MON2: variants seen among roughly 807,000 people sequenced by gnomAD.
MON2 encodes protein MON2 homolog.
MON2 carries 84 observed loss-of-function variants against 208.6 expected under a neutral mutation model. That is an observed-to-expected ratio of 0.40 (90% CI 0.34 to 0.48). The LOEUF is 0.48. Ranked by LOEUF, MON2 falls within the 20% of genes least tolerant of loss-of-function variation. MON2 has a pLI of 0.59. For synonymous variants in MON2, 660 were observed against 694.0 expected, an observed-to-expected ratio of 0.95 and a Z score of 0.77; for missense variants, 1,611 against 2,015.4, an observed-to-expected ratio of 0.80 and a Z score of 3.84.
In MON2 at chr12:62,595,394, C is replaced by T. The variant is rs2075506376; in HGVS notation, c.*2645C>T. 6.6e-6 allele frequency: 1 copy of T among 152,250 alleles called. No homozygotes were observed. Among genetic ancestry groups the T allele is most frequent in the South Asian group, 2.1e-4 (1 of 4,822 alleles). The allele number at this position is 152,250 out of a possible 1,614,324, so 9.4% of individuals were successfully genotyped here. A position where few individuals can be genotyped will look rare whatever the true frequency, so the allele number is the denominator to read the frequency against. On this transcript the variant is annotated 3_prime_UTR_variant, in exon 35 of 35. Transcript: ENST00000393630. ...TCCTGACCTCAGGTGATCTGCCCGC[C>T]TTGGCCTCCCAAAGTGCTGACATTA...
At position 62,535,719 on chromosome 12, in the gene MON2, G is replaced by A. The variant is rs758284964; in HGVS notation, c.1900+10G>A. ...ACACTTTCCAACAAATGTAAGACAG[G>A]CTTACTCAAAATTCTCTCTATGTAG... is the stretch of plus-strand genomic sequence containing the variant. On this transcript the variant is annotated intron_variant, in intron 14 of 34. Transcript: ENST00000393630. 12 of 1,596,862 alleles carry A rather than the reference G, an allele frequency of 7.5e-6. No homozygotes were observed. The highest frequency in any genetic ancestry group is 9.4e-6 in the Non-Finnish European group (11 of 1,170,364).
chr12:62,587,956 T>G, intron 33 of MON2, 118 bp from the exon 34 acceptor site: 1 of 621,318 alleles, frequency 1.6e-6, no homozygotes, highest in Non-Finnish European at 2.8e-6. Context: ...TAACCTTGCA[T>G]TGTATTGTGT....
intron 32 of MON2, among the ~76,000 whole-genome samples, chr12:62,582,760 A>G (rs1043215677): frequency 6.6e-6 from 1 of 152,136 alleles, no homozygotes; most frequent in Non-Finnish European, 1.5e-5. Context: ...AAACATATAC[A>G]TACAAAACTT....
chr12:62,559,557 C>T (rs913509638), intron 25 of MON2, among the ~76,000 whole-genome samples: 5 of 151,962 alleles, frequency 3.3e-5, no homozygotes, highest in Admixed American at 6.6e-5. Flanking sequence ...GTAGGAGGAT[C>T]GCTTGAGCCC....
In MON2 at chr12:62,595,210, T is replaced by G. The variant is rs1268406648; in HGVS notation, c.*2461T>G. Reference sequence around the variant, plus strand: ...CCCAGGCTGGAATGCAGTGGCACGATCTTGGCTCACTGCAACCTCTGCTTC... The same window carrying G: ...CCCAGGCTGGAATGCAGTGGCACGAGCTTGGCTCACTGCAACCTCTGCTTC... On this transcript the variant is annotated 3_prime_UTR_variant, in exon 35 of 35. Coordinates refer to ENST00000393630, the MANE Select transcript of MON2 (RefSeq NM_015026.3). 1 of 151,984 alleles carries G rather than the reference T, an allele frequency of 6.6e-6. No individual in the cohort carries two copies. The highest frequency in any genetic ancestry group is 2.4e-5 in the African/African-American group (1 of 41,346). The allele number at this position is 151,984 out of a possible 1,614,324, so 9.4% of individuals were successfully genotyped here. A position where few individuals can be genotyped will look rare whatever the true frequency, so the allele number is the denominator to read the frequency against.
chr12:62,529,431 T>C (rs775949905), intron 11 of MON2, among the ~76,000 whole-genome samples: 4 of 152,168 alleles, frequency 2.6e-5, no homozygotes, highest in Non-Finnish European at 5.9e-5. Context: ...GATGTTCTTA[T>C]TATGTTTTTT....
chr12:62,484,097 C>T (rs530252641), intron 1 of MON2, 73 bp from the exon 2 acceptor site: 1 of 1,084,320 alleles, frequency 9.2e-7, no homozygotes, highest in South Asian at 1.4e-5. Context: ...TTGTCTATCA[C>T]ATATGACTTA....
intron 21 of MON2, among the ~76,000 whole-genome samples, chr12:62,545,254 G>A (rs1213592304): frequency 6.6e-6 from 1 of 151,392 alleles, no homozygotes; most frequent in Non-Finnish European, 1.5e-5. Context: ...TTGGTCTCAC[G>A]TTCATAAGTT....
intron 16 of MON2, 83 bp downstream of exon 16, chr12:62,537,789 G>A: frequency 9.2e-7 from 1 of 1,083,970 alleles, no homozygotes; most frequent in Non-Finnish European, 1.4e-6. Flanking sequence ...GTATTTTGAT[G>A]TTTTGGACAG....
intron 8 of MON2, among the ~76,000 whole-genome samples, chr12:62,520,144 C>T (rs1305767691): frequency 1.3e-5 from 2 of 152,168 alleles, no homozygotes; most frequent in African/African-American, 2.4e-5. Flanking sequence ...GGATCTGAAA[C>T]GTTTTTATAC....
chr12:62,551,820 T>G (rs372109442), intron 23 of MON2, among the ~76,000 whole-genome samples: 1 of 152,232 alleles, frequency 6.6e-6, no homozygotes, highest in Non-Finnish European at 1.5e-5. Context: ...ATCTTTTAAA[T>G]GTATATTAAA....
At chr12:62,523,324 T>A (rs762769459) in intron 8 of MON2, among the ~76,000 whole-genome samples, 38 of 152,316 alleles carry the variant, frequency 2.5e-4, no homozygotes, top group Non-Finnish European at 4.7e-4. Context: ...CCCAGAAAGA[T>A]GTAGATATTT....
chr12:62,509,866 A>G (rs1002883679), intron 8 of MON2, among the ~76,000 whole-genome samples: 10 of 137,460 alleles, frequency 7.3e-5, no homozygotes, highest in African/African-American at 8.3e-5. Context: ...GAGAGAATCA[A>G]TGCAAGTTGT....
chr12:62,490,020 A>G, intron 2 of MON2: 1 of 1,211,320 alleles, frequency 8.3e-7, no homozygotes. Flanking sequence ...ATCCTAGTTT[A>G]ATTCTTTTTT....
rs1394646519 is a variant in MON2, at chr12:62,538,469, T to A, written c.2328T>A (p.Ser776=). ...TAATAAATGCACTTTGCTCCTTGTCTCTAGAAGCAATGGATATGGCCTATG... is the reference window on the plus strand; with the variant it reads ...TAATAAATGCACTTTGCTCCTTGTCACTAGAAGCAATGGATATGGCCTATG... ...HHLINALCSL[S]LEAMDMAYGN... Residue 776 remains serine, a synonymous_variant, in exon 19 of 35, where the codon TCT becomes TCA. Transcript: ENST00000393630. 6.2e-7 allele frequency: 1 copy of A among 1,610,038 alleles called. No individual in the cohort carries two copies. Among genetic ancestry groups the A allele is most frequent in the East Asian group, 2.2e-5 (1 of 44,758 alleles).
Position 62,556,054 on chromosome 12 carries a change from A to G in MON2, c.3271A>G (p.Ile1091Val), listed in dbSNP as rs142808679. ...ESSTTADKEK[I>V]ESGGGNILIH... is the part of the protein sequence containing the mutation. ...CTCTACCACTGCAGACAAAGAAAAG[A>G]TTGAGTCTGGAGGTGGCAATATTCT... The change falls in exon 25 of 35, where the codon ATT (isoleucine) becomes GTT (valine). Residue 1091 changes from isoleucine (I) to valine (V), a missense_variant. Physicochemically the swap from Ile to Val is conservative, Grantham distance 29 (BLOSUM62 3). Coordinates refer to ENST00000393630, the MANE Select transcript of MON2 (RefSeq NM_015026.3). The G allele has an allele frequency of 1.9e-6, 3 of 1,613,926 alleles. No individual in the cohort carries two copies. The highest frequency in any genetic ancestry group is 1.3e-5 in the African/African-American group (1 of 75,044).
At chr12:62,479,013 A>C (rs2135978593) in intron 1 of MON2, among the ~76,000 whole-genome samples, 1 of 152,300 alleles carries the variant, frequency 6.6e-6, no homozygotes, top group South Asian at 2.1e-4. Context: ...TAGAAAGAAG[A>C]AATAGATTTT....
intron 8 of MON2, among the ~76,000 whole-genome samples, chr12:62,524,188 C>T (rs866988610): frequency 7.0e-4 from 107 of 152,198 alleles, no homozygotes; most frequent in African/African-American, 2.4e-3. Context: ...TTATGTGGTA[C>T]ATGCTGTCTG....
chr12:62,565,841 A>G (rs1565692688), intron 27 of MON2, 173 bp from the exon 28 acceptor site: 1 of 554,958 alleles, frequency 1.8e-6, no homozygotes. Context: ...AAATATTTTT[A>G]TAGCCATAGT....
Sources: gnomAD v4.1 joint callset for allele counts (sites outside exome capture counted in the v4.1 genomes callset) on GRCh38, gnomAD v4.1.1 for gene constraint, MANE v1.5 for transcripts, NCBI Gene and HGNC (gene_info 2026-07-23, HGNC 2026-07-21) for gene names.